The following C1QTNF9 variants were observed in gnomAD, a reference collection of about 807,000 sequenced individuals.
C1QTNF9 encodes the protein C1q and TNF related 9.
In C1QTNF9, 6 loss-of-function variants were observed where a neutral mutation model predicts 10.1. The ratio of observed to expected loss-of-function variants is 0.59; its 90% CI spans 0.32 to 1.17. C1QTNF9 has a LOEUF of 1.17. Among genes scored for constraint, C1QTNF9 ranks in the 50% most tolerant of loss-of-function variants. C1QTNF9 has a pLI of 0.04. For missense variants in C1QTNF9, 201 were observed against 418.8 expected, an observed-to-expected ratio of 0.48 and a Z score of 4.54; for synonymous variants, 98 against 163.5, an observed-to-expected ratio of 0.60 and a Z score of 3.06.
chr13:24,310,029 G>C (rs1009790264), intron 1 of C1QTNF9, among the ~76,000 whole-genome samples: 1 of 152,036 alleles, frequency 6.6e-6, no homozygotes, highest in African/African-American at 2.4e-5. Flanking sequence ...GAGTAGCTGG[G>C]ATTACAGACA....
chr13:24,316,223 T>A (rs1878027795), intron 2 of C1QTNF9, 54 bp downstream of exon 2: 1 of 1,507,654 alleles, frequency 6.6e-7, no homozygotes, highest in East Asian at 2.3e-5. Flanking sequence ...ATTCCTTTCA[T>A]CTCATTCACT....
intron 3 of C1QTNF9, among the ~76,000 whole-genome samples, chr13:24,320,581 G>T (rs1218745301): frequency 8.6e-5 from 13 of 151,956 alleles, no homozygotes; most frequent in Non-Finnish European, 1.5e-4. Context: ...GATAAGGTTT[G>T]GCCATGTTGC....
rs397841917 is a variant in C1QTNF9 at position 24,318,397 on chromosome 13, G to A, written c.167-421G>A. Among the ~76,000 whole-genome samples the A allele has an allele frequency of 1.5e-4, 23 of 151,462 alleles. 1 individual carries two copies. The highest frequency in any genetic ancestry group is 5.9e-4 in the East Asian group (3 of 5,078). On this transcript the variant is annotated intron_variant, in intron 2 of 3. Coordinates refer to ENST00000332018, the Ensembl canonical transcript of C1QTNF9. ...TTCATAGGAGCCTAGTAAATCTTCC[G>A]TTCCACTCTCCTCAAGAGTAATGGA...
chr13:24,318,126 A>T (rs184847297), intron 2 of C1QTNF9, among the ~76,000 whole-genome samples: 1 of 152,058 alleles, frequency 6.6e-6, no homozygotes, highest in African/African-American at 2.4e-5. Context: ...CTGTGGCCCA[A>T]TGAGCACTCT....
Position 24,316,087 on chromosome 13 carries a change from T to G in C1QTNF9, c.84T>G (p.Pro28=), listed in dbSNP as rs1174528579. ...AGGACACCTGCAGGCAAGGGCACCCTGGAATCCCTGGGAACCCCGGTCACA... is the reference window on the plus strand; with the variant it reads ...AGGACACCTGCAGGCAAGGGCACCCGGGAATCCCTGGGAACCCCGGTCACA... The change falls in exon 2 of 4, where the codon CCT becomes CCG. Residue 28 remains proline, a synonymous_variant. Coordinates refer to ENST00000332018, the Ensembl canonical transcript of C1QTNF9. 6.8e-6 allele frequency: 11 copies of G among 1,613,226 alleles called. No individual in the cohort carries two copies. In the African/African-American group the frequency reaches 1.1e-4, roughly 16 times the overall value.
intron 1 of C1QTNF9, among the ~76,000 whole-genome samples, chr13:24,312,767 T>C (rs969382412): frequency 2.6e-5 from 4 of 151,826 alleles, no homozygotes; most frequent in Non-Finnish European, 4.4e-5. Context: ...CCATCCTGGC[T>C]AACATGGTGA....
rs530287667 is a variant in C1QTNF9, at chr13:24,321,764, C to T, written c.998C>T (p.Pro333Leu). 42 of 1,559,922 alleles carry T rather than the reference C, an allele frequency of 2.7e-5. No individual in the cohort carries two copies. The Middle Eastern group carries it at 6.9e-4, about 25-fold the overall frequency. The change falls in exon 4 of 4, where the codon CCG becomes CTG. Residue 333 changes from proline (P) to leucine (L), a missense_variant. Physicochemically the swap from Pro to Leu is moderately conservative, Grantham distance 98. Around this residue, in one of 3 missense-constraint regions of C1QTNF9, gnomAD observed 86 missense variants for 87.0 expected, o/e 0.99. Transcript: ENST00000332018. ...ACAGGGTTCCTTCTGTTCAGCAGCC[C>T]GTGACAGAGGAGAGTTTAAAAATCC...
At chr13:24,320,379 T>C (rs745757071) in intron 3 of C1QTNF9, among the ~76,000 whole-genome samples, 1 of 150,652 alleles carries the variant, frequency 6.6e-6, no homozygotes, top group Non-Finnish European at 1.5e-5. Flanking sequence ...GAGTAATTGA[T>C]TTTCATTTAT....
At chr13:24,315,739 G>A in intron 1 of C1QTNF9, 2 of 526,230 alleles carry the variant, frequency 3.8e-6, no homozygotes, top group Non-Finnish European at 6.7e-6. Context: ...CTTAAACTTG[G>A]CTTTTTAAAT....
At chr13:24,307,959 G>A (rs1336904340), upstream of C1QTNF9, among the ~76,000 whole-genome samples, 1 of 152,238 alleles carries the variant, frequency 6.6e-6, no homozygotes, top group East Asian at 1.9e-4. Flanking sequence ...TGATTCCTGA[G>A]CCGGCTTCCC....
chr13:24,309,305 A>ATATATATATATATATATATATATATATG (rs1283012806), upstream of C1QTNF9, among the ~76,000 whole-genome samples: 5 of 132,400 alleles, frequency 3.8e-5, no homozygotes, highest in African/African-American at 1.4e-4. Flanking sequence ...ATATATATAT[A>ATATATATATATATATATATATATATATG]TATGAAAGAA....
rs1487669623 is a variant in C1QTNF9, at chr13:24,316,068, C to A, written c.65C>A (p.Thr22Asn). The change falls in exon 2 of 4, where the codon ACC becomes AAC. Residue 22 changes from threonine to asparagine, a missense_variant. Thr to Asn is a moderately conservative substitution (Grantham distance 65, BLOSUM62 0). This residue lies in a region of C1QTNF9 where 53 missense variants were observed against 81.6 expected (regional missense o/e 0.65). Coordinates refer to ENST00000332018, the Ensembl canonical transcript of C1QTNF9. ...ACAGGGAACATAAACTCACAGGACACCTGCAGGCAAGGGCACCCTGGAATC... is the reference window on the plus strand; with the variant it reads ...ACAGGGAACATAAACTCACAGGACAACTGCAGGCAAGGGCACCCTGGAATC... 1 of 1,613,752 alleles carries A rather than the reference C, an allele frequency of 6.2e-7. No individual in the cohort carries two copies. The highest frequency in any genetic ancestry group is 1.3e-5 in the African/African-American group (1 of 74,852).
At chr13:24,320,767 T>A (rs112062175) in intron 3 of C1QTNF9, among the ~76,000 whole-genome samples, 2,793 of 151,840 alleles carry the variant, frequency 0.018, 92 homozygotes, top group African/African-American at 0.062. Context: ...GCCAGGTTGG[T>A]CTTGAACTCT....
intron 1 of C1QTNF9, among the ~76,000 whole-genome samples, chr13:24,310,450 C>A (rs1326154660): frequency 5.3e-5 from 8 of 151,802 alleles, no homozygotes; most frequent in Non-Finnish European, 8.8e-5. Flanking sequence ...CACGCCCGGC[C>A]TATGATGGAT....
At chr13:24,315,707 A>G (rs975520298) in intron 1 of C1QTNF9, 2 of 496,630 alleles carry the variant, frequency 4.0e-6, no homozygotes, top group African/African-American at 1.9e-5. Flanking sequence ...AAGTGAAATG[A>G]TGAACGGAAG....
At chr13:24,313,678 C>T (rs1001460152) in intron 1 of C1QTNF9, among the ~76,000 whole-genome samples, 3 of 152,176 alleles carry the variant, frequency 2.0e-5, no homozygotes, top group African/African-American at 7.2e-5. Context: ...GCAATACAGT[C>T]TTTGGATGAC....
upstream of C1QTNF9, among the ~76,000 whole-genome samples, chr13:24,307,903 C>G (rs1877659126): frequency 6.6e-6 from 1 of 152,232 alleles, no homozygotes; most frequent in Non-Finnish European, 1.5e-5. Context: ...TCGGGAAACA[C>G]CAGGAGGATG....
At position 24,316,181 on chromosome 13, in the gene C1QTNF9, A is replaced by G. The variant is rs543866105; in HGVS notation, c.166+12A>G. 6.1e-4 allele frequency: 957 copies of G among 1,563,308 alleles called. 21 individuals carry two copies. In the South Asian group the frequency reaches 0.01, roughly 17 times the overall value. ...CAAAGGCGATGCAGGTACTCACCTGACGGCTTCGGCTGCCTTTCAACTTCT... is the reference window on the plus strand; with the variant it reads ...CAAAGGCGATGCAGGTACTCACCTGGCGGCTTCGGCTGCCTTTCAACTTCT... On this transcript the variant is annotated intron_variant, in intron 2 of 3. Transcript: ENST00000332018.
intron 1 of C1QTNF9, 24 bp from the exon 2 acceptor site, chr13:24,315,958 T>C: frequency 4.3e-6 from 7 of 1,611,912 alleles, no homozygotes; most frequent in Non-Finnish European, 5.9e-6. Flanking sequence ...ATTTCTCCTT[T>C]GGGTTTCTGT....
Sources: allele counts gnomAD v4.1 joint callset (sites outside exome capture counted in the v4.1 genomes callset), GRCh38; gene constraint gnomAD v4.1.1; regional missense constraint gnomAD v4.1.1; transcripts MANE v1.5; gene names NCBI Gene and HGNC (gene_info 2026-07-23, HGNC 2026-07-21).